GNAQ: variants seen among roughly 807,000 people sequenced by gnomAD.
The protein encoded by GNAQ is guanine nucleotide-binding protein G(q) subunit alpha.
In GNAQ, 8 loss-of-function variants were observed where a neutral mutation model predicts 43.9. The ratio of observed to expected loss-of-function variants is 0.18; its 90% CI spans 0.11 to 0.33. The LOEUF is 0.33. Among genes scored for constraint, GNAQ ranks in the 10% least tolerant of loss-of-function variants. The probability of loss-of-function intolerance (pLI) is 1.00; values close to 1 mark genes in which losing one functional copy is unlikely to be tolerated. For synonymous variants in GNAQ, 155 were observed against 170.7 expected, an observed-to-expected ratio of 0.91 and a Z score of 0.71; for missense variants, 158 against 450.8, an observed-to-expected ratio of 0.35 and a Z score of 5.88.
At chr9:77,985,313 A>G (rs1011199765) in intron 1 of GNAQ, among the ~76,000 whole-genome samples, 5 of 152,196 alleles carry the variant, frequency 3.3e-5, no homozygotes, top group Admixed American at 3.3e-4. Context: ...ACTCCATCTC[A>G]GAAAAACCAA....
chr9:77,760,776 GGCC>G (rs1825989421), intron 5 of GNAQ, among the ~76,000 whole-genome samples: 1 of 150,770 alleles, frequency 6.6e-6, no homozygotes, highest in Non-Finnish European at 1.5e-5. Flanking sequence ...GCCTCTTCCC[GGCC>G]GCCATCCCAT....
chr9:77,927,576 A>AG (rs1265338624), intron 1 of GNAQ, among the ~76,000 whole-genome samples: 1 of 152,070 alleles, frequency 6.6e-6, no homozygotes, highest in Non-Finnish European at 1.5e-5. Flanking sequence ...TTTACTCTGA[A>AG]GAAAAAAAAG....
At chr9:77,884,884 G>C (rs1269349883) in intron 2 of GNAQ, among the ~76,000 whole-genome samples, 1 of 152,200 alleles carries the variant, frequency 6.6e-6, no homozygotes. Flanking sequence ...AGTTCAGAGA[G>C]GGAGATTTTG....
chr9:78,029,717 C>G (rs144507789), intron 1 of GNAQ, among the ~76,000 whole-genome samples: 2,363 of 152,256 alleles, frequency 0.016, 62 homozygotes, highest in African/African-American at 0.054. Context: ...GCAGTTCATT[C>G]CCAAAGGCAA....
chr9:77,817,851 CAG>C (rs1433165348), intron 2 of GNAQ, among the ~76,000 whole-genome samples: 1 of 152,150 alleles, frequency 6.6e-6, no homozygotes, highest in East Asian at 1.9e-4. Flanking sequence ...AACGAGGTGT[CAG>C]AGAGAAGGTG....
chr9:77,950,886 C>T (rs777655458), intron 1 of GNAQ, among the ~76,000 whole-genome samples: 3 of 151,788 alleles, frequency 2.0e-5, no homozygotes, highest in East Asian at 1.9e-4. Context: ...CATAATACTG[C>T]GGAGCTGCTA....
At position 77,928,402 on chromosome 9, in the gene GNAQ, T is replaced by C. The variant is rs1244966993; in HGVS notation, c.137-6057A>G. ...CAGAACTGAATTTAGTATAACCAAC[T>C]ACAAGTGGAAACTGGACATGTAATT... On this transcript the variant is annotated intron_variant, in intron 1 of 6. Coordinates refer to ENST00000286548, the MANE Select transcript of GNAQ (RefSeq NM_002072.5). Among the ~76,000 whole-genome samples the C allele has an allele frequency of 2.6e-5, 4 of 152,304 alleles. No individual in the cohort carries two copies. In the East Asian group the frequency reaches 7.7e-4, roughly 29 times the overall value.
In GNAQ at chr9:77,716,776, G is replaced by A. The variant is rs972302198; in HGVS notation, c.*4547C>T. ...TAAATGTCATTTGCTATATTGGGTT[G>A]GAATCATACGGGGAAATGGAGGACA... On this transcript the variant is annotated 3_prime_UTR_variant, in exon 7 of 7. Transcript: ENST00000286548. 4 of 232,760 alleles carry A rather than the reference G, an allele frequency of 1.7e-5. No homozygotes were observed. The highest frequency in any genetic ancestry group is 8.8e-5 in the African/African-American group (4 of 45,314). The allele number at this position is 232,760 out of a possible 1,614,324, so 14.4% of individuals were successfully genotyped here. A position where few individuals can be genotyped will look rare whatever the true frequency, so the allele number is the denominator to read the frequency against.
At chr9:77,823,230 C>T (rs548068278) in intron 2 of GNAQ, among the ~76,000 whole-genome samples, 3 of 152,272 alleles carry the variant, frequency 2.0e-5, no homozygotes, top group Admixed American at 6.5e-5. Context: ...TGAGCCACCA[C>T]GCCTGGCCTA....
At chr9:77,746,296 T>C (rs1371522280) in intron 5 of GNAQ, among the ~76,000 whole-genome samples, 1 of 152,142 alleles carries the variant, frequency 6.6e-6, no homozygotes, top group Admixed American at 6.5e-5. Flanking sequence ...ACATAGGATC[T>C]AGAAACAGGG....
intron 2 of GNAQ, among the ~76,000 whole-genome samples, chr9:77,825,799 G>A (rs1017625567): frequency 2.6e-5 from 4 of 152,098 alleles, no homozygotes; most frequent in South Asian, 2.1e-4. Flanking sequence ...CTAAACAGGC[G>A]GGAGGCTGGG....
chr9:77,929,578 C>G (rs1188343278), intron 1 of GNAQ, among the ~76,000 whole-genome samples: 3 of 152,046 alleles, frequency 2.0e-5, no homozygotes, highest in Admixed American at 2.0e-4. Flanking sequence ...TGCCTGTAAT[C>G]CCAGCACTGT....
intron 3 of GNAQ, among the ~76,000 whole-genome samples, chr9:77,799,256 C>A (rs1453098332): frequency 6.6e-6 from 1 of 152,014 alleles, no homozygotes; most frequent in African/African-American, 2.4e-5. Flanking sequence ...AAGGTGGGAC[C>A]CTTAATAGAA....
intron 1 of GNAQ, among the ~76,000 whole-genome samples, chr9:77,976,009 C>G (rs913645189): frequency 3.9e-5 from 6 of 152,156 alleles, no homozygotes; most frequent in African/African-American, 1.4e-4. Context: ...TTTAAAGATA[C>G]TACAAGTGGT....
In GNAQ at chr9:77,889,708, C is replaced by T. The variant is rs1007396087; in HGVS notation, c.321+32453G>A. Among the ~76,000 whole-genome samples the T allele has an allele frequency of 3.3e-5, 5 of 152,298 alleles. No homozygotes were observed. In the East Asian group the frequency reaches 9.7e-4, roughly 29 times the overall value. The stretch of plus-strand genomic sequence containing the variant: ...TTTCTCTTCCCTTTATTATCACAGT[C>T]TCTAATGAGTCCTGCCCACTGTATT... On this transcript the variant is annotated intron_variant, in intron 2 of 6. Coordinates refer to ENST00000286548, the MANE Select transcript of GNAQ (RefSeq NM_002072.5).
chr9:77,777,908 A>G (rs1564108004), intron 5 of GNAQ, among the ~76,000 whole-genome samples: 1 of 151,802 alleles, frequency 6.6e-6, no homozygotes, highest in African/African-American at 2.4e-5. Context: ...ACAGTTTGGT[A>G]TGTCCTGAAA....
rs561316689 is a variant in GNAQ, at chr9:77,718,563, CT to C, written c.*2759del. 5.5e-3 allele frequency: 1,282 copies of C among 232,622 alleles called. 25 individuals are homozygous for C. The highest frequency in any genetic ancestry group is 0.026 in the African/African-American group (1,194 of 45,366). The allele number at this position is 232,622 out of a possible 1,614,324, so 14.4% of individuals were successfully genotyped here. A position where few individuals can be genotyped will look rare whatever the true frequency, so the allele number is the denominator to read the frequency against. ...TAAAGACAAATATAACAATCTTTCC[CT>C]GTTTTGCTCAGCTTCTTCAAGCTTT... On this transcript the variant is annotated 3_prime_UTR_variant, in exon 7 of 7. Transcript: ENST00000286548.
intron 3 of GNAQ, among the ~76,000 whole-genome samples, chr9:77,799,143 G>A (rs1053686169): frequency 7.9e-5 from 12 of 152,152 alleles, no homozygotes; most frequent in Non-Finnish European, 2.9e-5. Context: ...GAGTAACTGT[G>A]TTCTCCTTTG....
At chr9:77,738,242 AAT>A (rs1385213771) in intron 5 of GNAQ, among the ~76,000 whole-genome samples, 1 of 152,180 alleles carries the variant, frequency 6.6e-6, no homozygotes, top group African/African-American at 2.4e-5. Flanking sequence ...TTTCCAATTC[AAT>A]AGTGCTCCAC....
Sources: allele counts gnomAD v4.1 joint callset (sites outside exome capture counted in the v4.1 genomes callset), GRCh38; gene constraint gnomAD v4.1.1; transcripts MANE v1.5; gene names NCBI Gene and HGNC (gene_info 2026-07-23, HGNC 2026-07-21).